Variants in ATP2B3 observed in about 807,000 individuals in gnomAD.
ATP2B3 encodes plasma membrane calcium-transporting ATPase 3.
In ATP2B3, 12 loss-of-function variants were observed where a neutral mutation model predicts 70.8. The observed-to-expected ratio is 0.17, with a 90% CI of 0.11 to 0.27. The LOEUF (loss-of-function observed/expected upper bound fraction) is 0.27, where lower values mean the gene tolerates loss of function less well. Ranked by LOEUF, ATP2B3 falls within the 10% of genes least tolerant of loss-of-function variation. The pLI is 1.00. For missense variants in ATP2B3, 858 were observed against 1,118.5 expected (o/e 0.77, Z 3.32); for synonymous variants, 460 against 497.8 (o/e 0.92, Z 1.01).
In ATP2B3 at chrX:153,534,780, G is replaced by A. The variant is rs1230881816; in HGVS notation, c.-126-1342G>A. Among the ~76,000 whole-genome samples, 6 of 113,302 alleles carry A rather than the reference G, an allele frequency of 5.3e-5. No individual in the cohort carries two copies. In the East Asian group the frequency reaches 8.3e-4, roughly 16 times the overall value. On this transcript the variant is annotated intron_variant, in intron 2 of 21. Transcript: ENST00000263519. ...TGTGCAATGTGTCGCGAGAGTAAAC[G>A]CGCAGGTGCCCACGCTTTTCAAACA...
Position 153,522,756 on chromosome X carries a change from G to A in ATP2B3, c.-127+4205G>A, listed in dbSNP as rs1215645758. Among the ~76,000 whole-genome samples the A allele has an allele frequency of 4.5e-5, 5 of 112,050 alleles. No homozygotes were observed. The South Asian group carries it at 1.1e-3, about 25-fold the overall frequency. ...GTGCTGTGGGGGATGCCCAGACCTC[G>A]CCTCGTGCTGACTCCAGTGGTCCTA... On this transcript the variant is annotated intron_variant, in intron 2 of 21. Transcript: ENST00000263519.
chrX:153,535,763 C>G (rs782133495), intron 2 of ATP2B3, among the ~76,000 whole-genome samples: 27 of 113,091 alleles, frequency 2.4e-4, no homozygotes, highest in Non-Finnish European at 4.9e-4. Context: ...AGTCCCAGCA[C>G]GCTGCCCTCA....
rs782278216 is a variant in ATP2B3 at position 153,536,130 on chromosome X, G to A, written c.-118G>A. 8.5e-5 allele frequency: 71 copies of A among 834,455 alleles called. No homozygotes were observed. The highest frequency in any genetic ancestry group is 1.2e-4 in the Non-Finnish European group (67 of 572,089). 68.8% of individuals were successfully genotyped at this position (834,455 alleles called of 1,213,427 possible). A position where few individuals can be genotyped will look rare whatever the true frequency, so the allele number is the denominator to read the frequency against. On this transcript the variant is annotated 5_prime_UTR_variant, in exon 3 of 22. Transcript: ENST00000263519. Reference sequence around the variant, plus strand: ...CGCCTCCATCTCCCCAGGTGTCCACGCTTAGCAGCTTTCTCACCGCCGCCA... The same window carrying A: ...CGCCTCCATCTCCCCAGGTGTCCACACTTAGCAGCTTTCTCACCGCCGCCA...
chrX:153,558,724 G>T (rs1380470479), intron 17 of ATP2B3, among the ~76,000 whole-genome samples: 2 of 112,103 alleles, frequency 1.8e-5, no homozygotes, highest in Non-Finnish European at 3.8e-5. Context: ...GTGTTTTCAG[G>T]CTCACACACA....
rs782528424 is a variant in ATP2B3 at position 153,580,443 on chromosome X, G to T, written c.*145G>T. The T allele has an allele frequency of 4.8e-5, 30 of 618,963 alleles. No homozygotes were observed. In the Admixed American group the frequency reaches 8.1e-4, roughly 17 times the overall value. 51.0% of individuals were successfully genotyped at this position (618,963 alleles called of 1,213,427 possible). On this transcript the variant is annotated 3_prime_UTR_variant, in exon 22 of 22. Transcript: ENST00000263519. ...AGGTGGCTGAAGACCTTTCTGGCAGGGCATTTGCAAGGACCCAAATCCATT... is the reference window on the plus strand; with the variant it reads ...AGGTGGCTGAAGACCTTTCTGGCAGTGCATTTGCAAGGACCCAAATCCATT...
Position 153,580,409 on chromosome X carries a change from G to A in ATP2B3, c.*111G>A, listed in dbSNP as rs888425156. 6.2e-5 allele frequency: 50 copies of A among 808,819 alleles called. No homozygotes were observed. Among genetic ancestry groups the A allele is most frequent in the Non-Finnish European group, 7.9e-5 (46 of 579,605 alleles). 66.7% of individuals were successfully genotyped at this position (808,819 alleles called of 1,213,427 possible). ...GGACCTGCACACCTGCAAAACGAGG[G>A]AACAACTAAGGTGGCTGAAGACCTT... On this transcript the variant is annotated 3_prime_UTR_variant, in exon 22 of 22. Transcript: ENST00000263519.
intron 2 of ATP2B3, among the ~76,000 whole-genome samples, chrX:153,527,690 C>G (rs1449363307): frequency 1.8e-5 from 2 of 112,264 alleles, no homozygotes; most frequent in Non-Finnish European, 3.8e-5. Flanking sequence ...TGCGGGAGTC[C>G]GGGCAAGCTT....
intron 2 of ATP2B3, among the ~76,000 whole-genome samples, chrX:153,522,177 C>T (rs1254517370): frequency 1.8e-5 from 2 of 112,694 alleles, no homozygotes; most frequent in Non-Finnish European, 3.8e-5. Flanking sequence ...GTCAGAATGG[C>T]GCCAGCTATG....
Position 153,580,071 on chromosome X carries a change from G to A in ATP2B3, c.3436G>A (p.Glu1146Lys), listed in dbSNP as rs1364282837. The change falls in exon 22 of 22, where the codon GAG (glutamate) becomes AAG (lysine). Residue 1146 changes from glutamate to lysine, a missense_variant. Physicochemically the swap from Glu to Lys is moderately conservative, Grantham distance 56 (BLOSUM62 1). This residue lies in a region of ATP2B3 where 265 missense variants were observed against 305.3 expected (regional missense o/e 0.87). Transcript: ENST00000263519. Reference sequence around the variant, plus strand: ...CATTCACAACTTCATGGCCACGCCCGAGTTTCTGATCAATGACTACACCCA... The same window carrying A: ...CATTCACAACTTCATGGCCACGCCCAAGTTTCTGATCAATGACTACACCCA... Reference protein sequence around the residue: ...TSIHNFMATPEFLINDYTHNI... With the variant: ...TSIHNFMATPKFLINDYTHNI... 3.3e-6 allele frequency: 4 copies of A among 1,210,451 alleles called. No individual in the cohort carries two copies. Among genetic ancestry groups the A allele is most frequent in the South Asian group, 1.8e-5 (1 of 56,869 alleles).
At chrX:153,537,039 A>G (rs1557004486) in intron 3 of ATP2B3, among the ~76,000 whole-genome samples, 1 of 112,744 alleles carries the variant, frequency 8.9e-6, no homozygotes. Flanking sequence ...AGGCTGTCCC[A>G]AAGAGGCACA....
chrX:153,554,921 GGGA>G (rs1476924009), intron 13 of ATP2B3, among the ~76,000 whole-genome samples: 1 of 112,462 alleles, frequency 8.9e-6, no homozygotes, highest in African/African-American at 3.2e-5. Flanking sequence ...GGCCTGAGGA[GGGA>G]GGAGGCCTGG....
chrX:153,553,212 C>T lies in ATP2B3; in HGVS notation c.2001C>T (p.Val667=). The change falls in exon 13 of 22, where the codon GTC becomes GTT. Residue 667 remains valine (V), a synonymous_variant. Coordinates refer to ENST00000263519, the MANE Select transcript of ATP2B3 (RefSeq NM_001001344.3). ...QEPDWDNENE[V]VGDLTCIAVV... is the part of the protein sequence containing the mutation. ...CCGACTGGGACAACGAGAATGAGGTCGTGGGTGACCTCACCTGCATAGCTG... is the reference window on the plus strand; with the variant it reads ...CCGACTGGGACAACGAGAATGAGGTTGTGGGTGACCTCACCTGCATAGCTG... 3.3e-6 allele frequency: 4 copies of T among 1,211,374 alleles called. No homozygotes were observed. Among genetic ancestry groups the T allele is most frequent in the South Asian group, 3.5e-5 (2 of 56,954 alleles).
chrX:153,533,241 G>T (rs782108557), intron 2 of ATP2B3: 1 of 111,677 alleles, frequency 9.0e-6, no homozygotes, highest in African/African-American at 3.2e-5. Flanking sequence ...ACAGATCATC[G>T]CAGCGCCAAG....
intron 3 of ATP2B3, among the ~76,000 whole-genome samples, chrX:153,536,968 T>A (rs988924171): frequency 1.8e-5 from 2 of 111,471 alleles, no homozygotes; most frequent in African/African-American, 6.5e-5. Context: ...CAGGAAGGGG[T>A]GACCGAAGCT....
At chrX:153,555,724 A>G (rs1356824662) in intron 13 of ATP2B3, among the ~76,000 whole-genome samples, 3 of 112,460 alleles carry the variant, frequency 2.7e-5, no homozygotes, top group Non-Finnish European at 5.6e-5. Flanking sequence ...GTGGTCCCCA[A>G]CTTTTAACAA....
At chrX:153,549,464 T>G (rs1557010346) in intron 10 of ATP2B3, 33 bp from the exon 11 acceptor site, 2 of 1,208,559 alleles carry the variant, frequency 1.7e-6, no homozygotes, top group South Asian at 3.5e-5. Flanking sequence ...AACAAGCACC[T>G]GGGCCAAATG....
intron 19 of ATP2B3, 72 bp downstream of exon 19, chrX:153,560,959 C>T (rs2090616512): frequency 5.3e-6 from 6 of 1,136,327 alleles, no homozygotes; most frequent in South Asian, 1.9e-5. Flanking sequence ...CAAGACCCCT[C>T]GTCCACCCCT....
At chrX:153,574,667 C>T in intron 21 of ATP2B3, 1 of 273,039 alleles carries the variant, frequency 3.7e-6, no homozygotes, top group Non-Finnish European at 7.2e-6. Flanking sequence ...CCTTTTTCTA[C>T]TCTTCTCGGT....
At chrX:153,545,879 G>A (rs901877897) in intron 7 of ATP2B3, among the ~76,000 whole-genome samples, 4 of 111,867 alleles carry the variant, frequency 3.6e-5, no homozygotes, top group African/African-American at 9.8e-5. Flanking sequence ...GCTTAAGGCC[G>A]AAGGGGAGCC....
Sources: allele counts gnomAD v4.1 joint callset (sites outside exome capture counted in the v4.1 genomes callset), GRCh38; gene constraint gnomAD v4.1.1; regional missense constraint gnomAD v4.1.1; transcripts MANE v1.5; gene names NCBI Gene and HGNC (gene_info 2026-07-23, HGNC 2026-07-21).